ADAMTS12: variants seen among roughly 807,000 people sequenced by gnomAD.
ADAMTS12 encodes the protein ADAM metallopeptidase with thrombospondin type 1 motif 12, also known as A disintegrin and metalloproteinase with thrombospondin motifs 12.
ADAMTS12 carries 118 observed loss-of-function variants against 167.8 expected under a neutral mutation model. That is an observed-to-expected ratio of 0.70 (90% CI 0.61 to 0.82). The LOEUF is 0.82. Ranked by LOEUF, ADAMTS12 falls within the 40% of genes least tolerant of loss-of-function variation. ADAMTS12 has a pLI of 0.00. For synonymous variants in ADAMTS12, 704 were observed against 716.9 expected, an observed-to-expected ratio of 0.98 and a Z score of 0.29; for missense variants, 1,916 against 1,998.8, an observed-to-expected ratio of 0.96 and a Z score of 0.79.
intron 2 of ADAMTS12, among the ~76,000 whole-genome samples, chr5:33,865,988 T>A (rs1270315393): frequency 6.6e-6 from 1 of 152,156 alleles, no homozygotes; most frequent in Non-Finnish European, 1.5e-5. Context: ...ACATATCCCA[T>A]GCTCATGGAT....
At chr5:33,707,742 C>T (rs1579859139) in intron 3 of ADAMTS12, among the ~76,000 whole-genome samples, 1 of 152,092 alleles carries the variant, frequency 6.6e-6, no homozygotes, top group Admixed American at 6.5e-5. Flanking sequence ...GGAAAACTGG[C>T]TAGCCATATG....
chr5:33,749,910 T>A (rs1175783287), intron 3 of ADAMTS12, among the ~76,000 whole-genome samples: 2 of 152,200 alleles, frequency 1.3e-5, no homozygotes, highest in East Asian at 3.9e-4. Context: ...AGGAATAGTC[T>A]CACTCATTTC....
chr5:33,576,085 G>C lies in ADAMTS12; in HGVS notation c.3941C>G (p.Ser1314Cys). Residue 1314 changes from serine to cysteine, a missense_variant, in exon 19 of 24, where the codon TCT becomes TGT. Ser to Cys is a moderately radical substitution (Grantham distance 112). Transcript: ENST00000504830. ...CCAGTTTCCGACGATCCAGTGTGCA[G>C]AGCCGTGGCCGTTTGTGAGCTGCTT... ...NYKQLTNGHGSAHWIVGNWSE... is the reference protein window; with the variant it reads ...NYKQLTNGHGCAHWIVGNWSE... 6.2e-7 allele frequency: 1 copy of C among 1,614,172 alleles called. No homozygotes were observed. Among genetic ancestry groups the C allele is most frequent in the South Asian group, 1.1e-5 (1 of 91,076 alleles).
At chr5:33,819,023 C>A (rs1747773998) in intron 2 of ADAMTS12, among the ~76,000 whole-genome samples, 1 of 151,512 alleles carries the variant, frequency 6.6e-6, no homozygotes, top group South Asian at 2.1e-4. Context: ...AATTTTTTTC[C>A]CAGTATGTAG....
intron 2 of ADAMTS12, among the ~76,000 whole-genome samples, chr5:33,850,463 A>T (rs924466152): frequency 6.6e-6 from 1 of 152,248 alleles, no homozygotes; most frequent in Non-Finnish European, 1.5e-5. Context: ...TTACAATCTC[A>T]GAGCTAACAT....
At chr5:33,740,784 G>A (rs1241785966) in intron 3 of ADAMTS12, among the ~76,000 whole-genome samples, 1 of 152,150 alleles carries the variant, frequency 6.6e-6, no homozygotes, top group Middle Eastern at 3.2e-3. Flanking sequence ...AAAGGGAGAG[G>A]CCAGGTGGGG....
chr5:33,768,757 G>A (rs974338496), intron 2 of ADAMTS12, among the ~76,000 whole-genome samples: 2 of 151,996 alleles, frequency 1.3e-5, no homozygotes, highest in African/African-American at 4.8e-5. Context: ...AACATGTAGT[G>A]GCATGATAAG....
intron 12 of ADAMTS12, among the ~76,000 whole-genome samples, chr5:33,633,614 C>T (rs892619578): frequency 2.0e-5 from 3 of 152,038 alleles, no homozygotes; most frequent in Non-Finnish European, 4.4e-5. Flanking sequence ...CTGAAGTCCT[C>T]CTCTGTCCCC....
intron 3 of ADAMTS12, among the ~76,000 whole-genome samples, chr5:33,709,536 T>G (rs1743319227): frequency 6.6e-6 from 1 of 152,070 alleles, no homozygotes; most frequent in Non-Finnish European, 1.5e-5. Context: ...TAAAAAGGAA[T>G]GAAATAATGT....
Position 33,809,654 on chromosome 5 carries a change from G to A in ADAMTS12, c.490-58106C>T, listed in dbSNP as rs1747374537. Among the ~76,000 whole-genome samples the A allele has an allele frequency of 2.0e-5, 3 of 152,074 alleles. No individual in the cohort carries two copies. The South Asian group carries it at 6.2e-4, about 32-fold the overall frequency. On this transcript the variant is annotated intron_variant, in intron 2 of 23. Coordinates refer to ENST00000504830, the MANE Select transcript of ADAMTS12 (RefSeq NM_030955.4). The stretch of plus-strand genomic sequence containing the variant: ...TATGGATCTTGCATTCCAGCAGGAG[G>A]AGACACACAATAAGCAAAAGACATA...
At chr5:33,564,990 C>T (rs1317331658) in intron 19 of ADAMTS12, among the ~76,000 whole-genome samples, 43 of 152,006 alleles carry the variant, frequency 2.8e-4, no homozygotes, top group Admixed American at 2.0e-3. Flanking sequence ...GGTGATTCTA[C>T]GGGCTCTAAG....
chr5:33,553,915 A>T (rs1341193446), intron 20 of ADAMTS12, among the ~76,000 whole-genome samples: 2 of 152,322 alleles, frequency 1.3e-5, no homozygotes, highest in African/African-American at 2.4e-5. Flanking sequence ...ATCAAAATTC[A>T]TGGGTCTGCC....
chr5:33,630,723 A>G, intron 13 of ADAMTS12, 57 bp downstream of exon 13: 1 of 1,560,944 alleles, frequency 6.4e-7, no homozygotes, highest in Non-Finnish European at 8.8e-7. Flanking sequence ...CTGACTTCCC[A>G]AATTAGTAAA....
chr5:33,606,088 C>T (rs868566893), intron 16 of ADAMTS12, among the ~76,000 whole-genome samples: 9 of 152,180 alleles, frequency 5.9e-5, no homozygotes, highest in Non-Finnish European at 1.2e-4. Flanking sequence ...GCTGGGACTA[C>T]AGGCACACAT....
chr5:33,535,953 T>TA (rs1744382661), intron 22 of ADAMTS12, among the ~76,000 whole-genome samples: 1 of 152,136 alleles, frequency 6.6e-6, no homozygotes, highest in African/African-American at 2.4e-5. Context: ...CAAGCCATTC[T>TA]AATGATATGG....
intron 7 of ADAMTS12, among the ~76,000 whole-genome samples, chr5:33,654,875 T>TGTGTGTGC (rs1491432084): frequency 6.6e-4 from 4 of 6,058 alleles, no homozygotes; most frequent in Non-Finnish European, 1.0e-3. Flanking sequence ...TGGGTGATTT[T>TGTGTGTGC]GTGTGTGTGT....
intron 2 of ADAMTS12, among the ~76,000 whole-genome samples, chr5:33,757,682 G>T (rs993227312): frequency 1.3e-5 from 2 of 152,176 alleles, no homozygotes; most frequent in African/African-American, 4.8e-5. Flanking sequence ...AAGAATATAG[G>T]ATCAAAAACG....
rs1023980802 is a variant in ADAMTS12, at chr5:33,881,388, G to A, written c.220C>T (p.Pro74Ser). Residue 74 changes from proline (P) to serine (S), a missense_variant, in exon 2 of 24, where the codon CCC (proline) becomes TCC (serine). Pro to Ser is a moderately conservative substitution (Grantham distance 74). Transcript: ENST00000504830. ...CTCTTCCTCCTGCTGCTCGTGATGG[G>A]ATAGTGCAAGCCATATGACAAAAAA... ...GHFLSYGLHY[P>S]ITSSRRKRDL... The A allele has an allele frequency of 1.2e-6, 2 of 1,614,024 alleles. No homozygotes were observed. Among genetic ancestry groups the A allele is most frequent in the African/African-American group, 2.7e-5 (2 of 74,900 alleles).
intron 2 of ADAMTS12, among the ~76,000 whole-genome samples, chr5:33,827,079 G>A (rs951120234): frequency 1.3e-4 from 10 of 75,440 alleles, no homozygotes; most frequent in South Asian, 7.1e-4. Flanking sequence ...CTCATTCACC[G>A]CATAAAGACC....
Sources: allele counts gnomAD v4.1 joint callset (sites outside exome capture counted in the v4.1 genomes callset), GRCh38; gene constraint gnomAD v4.1.1; transcripts MANE v1.5; gene names NCBI Gene and HGNC (gene_info 2026-07-23, HGNC 2026-07-21).